The following SBF1 variants were observed in gnomAD, a reference collection of about 807,000 sequenced individuals.
SBF1 encodes SET binding factor 1, also known as myotubularin-related protein 5.
SBF1 carries 65 observed loss-of-function variants against 215.8 expected under a neutral mutation model. The ratio of observed to expected loss-of-function variants is 0.30; its 90% CI spans 0.25 to 0.37. SBF1 has a LOEUF of 0.37. SBF1 is among the 10% of genes least tolerant of loss of function. SBF1 has a pLI of 1.00. For synonymous variants in SBF1, 1,410 were observed against 1,122.8 expected (o/e 1.26, Z -5.11); for missense variants, 2,634 against 2,667.8 (o/e 0.99, Z 0.28).
rs755263219 is a variant in SBF1 at position 50,462,702 on chromosome 22, C to T, written c.1984G>A (p.Val662Met). ...TAFCRKLSPG[V>M]TQFAYSCVQE... ...ACACAGCTGTATGCAAACTGCGTCA[C>T]CCCCGGGCTCAGCTTCTGCAGGAGC... is the stretch of plus-strand genomic sequence containing the variant. The change falls in exon 18 of 41, where the codon GTG (valine) becomes ATG (methionine). Residue 662 changes from valine (V) to methionine (M), a missense_variant. Val to Met is a conservative substitution (Grantham distance 21). Transcript: ENST00000380817. The T allele has an allele frequency of 6.2e-7, 1 of 1,611,472 alleles. No individual in the cohort carries two copies. Among genetic ancestry groups the T allele is most frequent in the Admixed American group, 1.7e-5 (1 of 59,734 alleles).
chr22:50,447,349 C>G lies in SBF1; in HGVS notation c.5556G>C (p.Lys1852Asn), dbSNP rs756870096. ...CAAAGAAGGCCTTCTCGTCCACAGT[C>G]TTAGGGGCACCCATAGTGGGCGTGC... ...APGTPTMGAPKTVDEKAFFDV... is the reference protein window; with the variant it reads ...APGTPTMGAPNTVDEKAFFDV... Residue 1852 changes from lysine to asparagine, a missense_variant, in exon 40 of 41, where the codon AAG becomes AAC. Transcript: ENST00000380817. The G allele has an allele frequency of 1.2e-6, 2 of 1,614,084 alleles. No individual in the cohort carries two copies. Among genetic ancestry groups the G allele is most frequent in the Middle Eastern group, 1.6e-4 (1 of 6,062 alleles).
At chr22:50,464,231 G>T in intron 15 of SBF1, 98 bp downstream of exon 15, 1 of 1,011,696 alleles carries the variant, frequency 9.9e-7, no homozygotes, top group Non-Finnish European at 1.5e-6. Context: ...GGCAGAGGAG[G>T]CCCTGGGGCA....
rs1242707424 is a variant in SBF1, at chr22:50,461,678, C to T, written c.2684G>A (p.Cys895Tyr). The T allele has an allele frequency of 6.2e-7, 1 of 1,610,050 alleles. No individual in the cohort carries two copies. The highest frequency in any genetic ancestry group is 1.3e-5 in the African/African-American group (1 of 75,028). ...GTAGACGCGCAGGCCGTCCAGCACA[C>T]ACTCCTCACCCGGCAGCAGGCGCGG... ...LRPRLLPGEE[C>Y]VLDGLRVYLL... The change falls in exon 22 of 41, where the codon TGT (cysteine) becomes TAT (tyrosine). Residue 895 changes from cysteine to tyrosine, a missense_variant. By Grantham distance (194) the Cys-to-Tyr change is radical. Transcript: ENST00000380817.
chr22:50,459,625 T>C lies in SBF1; in HGVS notation c.3533A>G (p.Asn1178Ser), dbSNP rs763681330. 3.7e-6 allele frequency: 6 copies of C among 1,609,662 alleles called. No homozygotes were observed. Among genetic ancestry groups the C allele is most frequent in the Non-Finnish European group, 5.1e-6 (6 of 1,178,830 alleles). The part of the protein sequence containing the change: ...LLIVPQSVQD[N>S]ALQRVSRCYR... The stretch of plus-strand genomic sequence containing the variant: ...GCAGCGGGACACGCGCTGCAGGGCG[T>C]TGTCCTGGACACTCTGGGGCACGAT... The change falls in exon 27 of 41, where the codon AAC (asparagine) becomes AGC (serine). Residue 1178 changes from asparagine (N) to serine (S), a missense_variant. Transcript: ENST00000380817.
chr22:50,459,491 C>T lies in SBF1; in HGVS notation c.3667G>A (p.Ala1223Thr). ...HGKGVVGLFK[A>T]QNAPSPGQSQ... is the part of the protein sequence containing the mutation. ...GTACCTGGAGAAGGTGCGTTCTGGGCCTTGAAGAGGCCGACGACACCTTTG... is the reference window on the plus strand; with the variant it reads ...GTACCTGGAGAAGGTGCGTTCTGGGTCTTGAAGAGGCCGACGACACCTTTG... Residue 1223 changes from alanine to threonine, a missense_variant, in exon 27 of 41, where the codon GCC (alanine) becomes ACC (threonine). Coordinates refer to ENST00000380817, the MANE Select transcript of SBF1 (RefSeq NM_002972.4). 6.2e-7 allele frequency: 1 copy of T among 1,610,286 alleles called. No homozygotes were observed. Among genetic ancestry groups the T allele is most frequent in the Non-Finnish European group, 8.5e-7 (1 of 1,179,810 alleles).
intron 1 of SBF1, among the ~76,000 whole-genome samples, chr22:50,473,771 C>A (rs960864806): frequency 6.6e-6 from 1 of 152,204 alleles, no homozygotes; most frequent in African/African-American, 2.4e-5. Context: ...CCTGCCTGAC[C>A]ACACAGCCAT....
intron 17 of SBF1, 65 bp downstream of exon 17, chr22:50,462,805 G>A (rs1315349829): frequency 6.2e-7 from 1 of 1,606,238 alleles, no homozygotes; most frequent in South Asian, 1.1e-5. Context: ...GGGGGGCTGG[G>A]AAGGAGACCT....
rs1232265461 is a variant in SBF1, at chr22:50,474,670, A to ACCCAGCC, written c.55+109_55+115dup. ...CCGGCCCTCAGTCCTCGGCCTCCCG[A>ACCCAGCC]CCCAGCCCCCAGCCCTCGGCCCCCA... On this transcript the variant is annotated intron_variant, in intron 1 of 40. Transcript: ENST00000380817. 357 of 550,816 alleles carry ACCCAGCC rather than the reference A, an allele frequency of 6.5e-4. 5 individuals are homozygous for ACCCAGCC. The South Asian group carries it at 8.3e-3, about 13-fold the overall frequency. 34.1% of individuals were successfully genotyped at this position (550,816 alleles called of 1,614,324 possible).
In SBF1 at chr22:50,465,969, G is replaced by A. The variant is rs760583137; in HGVS notation, c.1003C>T (p.Leu335=). ...EPLQSQTHSV[L]SMVLDPELEL... is the part of the protein sequence containing the mutation. ...CCCATGGTGCCCCTCACCATGCTCA[G>A]CACACTGTGCGTCTGACTCTGCAGT... is the stretch of plus-strand genomic sequence containing the variant. The change falls in exon 9 of 41, where the codon CTG becomes TTG. Residue 335 remains leucine, a synonymous_variant. Coordinates refer to ENST00000380817, the MANE Select transcript of SBF1 (RefSeq NM_002972.4). 2 of 1,613,824 alleles carry A rather than the reference G, an allele frequency of 1.2e-6. No homozygotes were observed. Among genetic ancestry groups the A allele is most frequent in the South Asian group, 1.1e-5 (1 of 91,068 alleles).
chr22:50,446,786 G>C lies in SBF1; in HGVS notation c.*356C>G, dbSNP rs1160811900. ...CCGAGAGCAGGCAGCCGGGGAGTGGGGAAGGCAGGCACAGGAGCGTGGCGT... is the reference window on the plus strand; with the variant it reads ...CCGAGAGCAGGCAGCCGGGGAGTGGCGAAGGCAGGCACAGGAGCGTGGCGT... On this transcript the variant is annotated 3_prime_UTR_variant, in exon 41 of 41. Transcript: ENST00000380817. 1.7e-6 allele frequency: 1 copy of C among 586,674 alleles called. No homozygotes were observed. The highest frequency in any genetic ancestry group is 2.0e-5 in the Admixed American group (1 of 49,744). The allele number at this position is 586,674 out of a possible 1,614,324, so 36.3% of individuals were successfully genotyped here.
At chr22:50,450,573 A>G (rs1481680679) in intron 36 of SBF1, among the ~76,000 whole-genome samples, 2 of 152,156 alleles carry the variant, frequency 1.3e-5, no homozygotes, top group African/African-American at 4.8e-5. Context: ...AGGAATGCTA[A>G]AAGATACTGG....
intron 1 of SBF1, 74 bp downstream of exon 1, chr22:50,474,712 C>T: frequency 7.6e-7 from 1 of 1,313,432 alleles, no homozygotes; most frequent in Non-Finnish European, 1.0e-6. Flanking sequence ...GGCCCTCGAC[C>T]CTCAGACCCA....
chr22:50,456,554 G>C lies in SBF1; in HGVS notation c.4024C>G (p.Pro1342Ala). 2 of 1,583,790 alleles carry C rather than the reference G, an allele frequency of 1.3e-6. No homozygotes were observed. Among genetic ancestry groups the C allele is most frequent in the Non-Finnish European group, 8.6e-7 (1 of 1,165,726 alleles). Residue 1342 changes from proline to alanine, a missense_variant, in exon 30 of 41, where the codon CCG (proline) becomes GCG (alanine). Pro to Ala is a conservative substitution (Grantham distance 27). Transcript: ENST00000380817. ...PPQANGGPPD[P>A]GFLRPQRAAL... ...GCTCGCTGCGGACGCAGGAAGCCCG[G>C]GTCGGGAGGGCCCCCGTTGGCCTGG...
intron 16 of SBF1, 27 bp from the exon 17 acceptor site, chr22:50,462,965 G>A (rs1172029737): frequency 1.6e-5 from 26 of 1,597,506 alleles, no homozygotes; most frequent in Non-Finnish European, 2.1e-5. Context: ...AGACCGTCAG[G>A]ACCTCTCCCC....
In SBF1 at chr22:50,445,677, A is replaced by C. The variant is rs952377470; in HGVS notation, c.*1465T>G. 6.6e-6 allele frequency: 1 copy of C among 152,270 alleles called. No homozygotes were observed. Among genetic ancestry groups the C allele is most frequent in the Non-Finnish European group, 1.5e-5 (1 of 68,074 alleles). 9.4% of individuals were successfully genotyped at this position (152,270 alleles called of 1,614,324 possible). On this transcript the variant is annotated 3_prime_UTR_variant, in exon 41 of 41. Coordinates refer to ENST00000380817, the MANE Select transcript of SBF1 (RefSeq NM_002972.4). ...GGCGCCATCTGTCCGGCCTGAGGGA[A>C]GACCTGGCTGGTTTCAGTGGCTCAA...
chr22:50,473,968 G>T (rs1195412786), intron 1 of SBF1, among the ~76,000 whole-genome samples: 1 of 152,220 alleles, frequency 6.6e-6, no homozygotes, highest in Non-Finnish European at 1.5e-5. Context: ...AAAGGGCTGT[G>T]CGGGGCCTGG....
intron 23 of SBF1, 38 bp from the exon 24 acceptor site, chr22:50,460,750 CCCCCCAGCCCCT>C: frequency 6.3e-7 from 1 of 1,584,896 alleles, no homozygotes; most frequent in African/African-American, 1.3e-5. Context: ...GTGTGGGTGG[CCCCCCAGCCCCT>C]CCCCCAACTC....
intron 2 of SBF1, 145 bp downstream of exon 2, chr22:50,468,231 C>T (rs1006929082): frequency 2.6e-6 from 2 of 771,916 alleles, no homozygotes; most frequent in Non-Finnish European, 4.1e-6. Context: ...GCCGGTCAAA[C>T]CCCCCGACAG....
Position 50,462,566 on chromosome 22 carries a change from G to A in SBF1, c.2120C>T (p.Pro707Leu), listed in dbSNP as rs1336333621. 2.5e-6 allele frequency: 4 copies of A among 1,611,292 alleles called. No individual in the cohort carries two copies. The highest frequency in any genetic ancestry group is 1.3e-5 in the African/African-American group (1 of 74,884). The change falls in exon 18 of 41, where the codon CCC becomes CTC. Residue 707 changes from proline to leucine, a missense_variant. Physicochemically the swap from Pro to Leu is moderately conservative, Grantham distance 98. Coordinates refer to ENST00000380817, the MANE Select transcript of SBF1 (RefSeq NM_002972.4). The stretch of plus-strand genomic sequence containing the variant: ...CAGGGAGTCCCTGCGCACCTGGGCG[G>A]GGGCCAGGTCCTCCGTGGGCTCCAG... ...LYLEPTEDLAPAQEVGEAPSQ... is the reference protein window; with the variant it reads ...LYLEPTEDLALAQEVGEAPSQ...
Sources: allele counts gnomAD v4.1 joint callset (sites outside exome capture counted in the v4.1 genomes callset), GRCh38; gene constraint gnomAD v4.1.1; transcripts MANE v1.5; gene names NCBI Gene and HGNC (gene_info 2026-07-23, HGNC 2026-07-21).